Variants in ASB6 observed in about 807,000 individuals in gnomAD.
ASB6 encodes ankyrin repeat and SOCS box containing 6, also known as ankyrin repeat and SOCS box protein 6.
ASB6 carries 24 observed loss-of-function variants against 28.6 expected under a neutral mutation model. The ratio of observed to expected loss-of-function variants is 0.84; its 90% CI spans 0.61 to 1.18. The LOEUF (loss-of-function observed/expected upper bound fraction) is 1.18, where lower values mean the gene tolerates loss of function less well. Among genes scored for constraint, ASB6 ranks in the 50% most tolerant of loss-of-function variants. ASB6 has a pLI of 0.00. For missense variants in ASB6, 519 were observed against 559.8 expected (o/e 0.93, Z 0.74); for synonymous variants, 267 against 243.4 (o/e 1.10, Z -0.90).
chr9:129,635,659 C>A lies in ASB6; in HGVS notation c.*2131G>T. On this transcript the variant is annotated 3_prime_UTR_variant, in exon 6 of 6. Coordinates refer to ENST00000277458, the MANE Select transcript of ASB6 (RefSeq NM_017873.4). ...CCCGGCGGGGAGGGTGCTGCTGAACCAGCGGTGAGGCAGGAGCCCAGACCC... is the reference window on the plus strand; with the variant it reads ...CCCGGCGGGGAGGGTGCTGCTGAACAAGCGGTGAGGCAGGAGCCCAGACCC... The A allele has an allele frequency of 1.5e-6, 1 of 674,932 alleles. No individual in the cohort carries two copies. Among genetic ancestry groups the A allele is most frequent in the Non-Finnish European group, 2.5e-6 (1 of 400,308 alleles). The allele number at this position is 674,932 out of a possible 1,614,324, so 41.8% of individuals were successfully genotyped here.
In ASB6 at chr9:129,640,831, C is replaced by G. The variant is rs537760477; in HGVS notation, c.114-109G>C. On this transcript the variant is annotated intron_variant, in intron 1 of 5. Transcript: ENST00000277458. ...GCTATCATCATCAGCAAGCAGGGCC[C>G]TGGCTCTGTGGGTCACAGGGGCTTG... is the stretch of plus-strand genomic sequence containing the variant. The G allele has an allele frequency of 3.0e-6, 4 of 1,351,004 alleles. No homozygotes were observed. In the African/African-American group the frequency reaches 4.4e-5, roughly 15 times the overall value. The allele number at this position is 1,351,004 out of a possible 1,614,324, so 83.7% of individuals were successfully genotyped here.
chr9:129,639,367 AC>A, intron 3 of ASB6, 34 bp downstream of exon 3: 1 of 1,602,056 alleles, frequency 6.2e-7, no homozygotes, highest in African/African-American at 1.3e-5. Flanking sequence ...CCCCTGCCCA[AC>A]CCTGCTTCAA....
intron 1 of ASB6, 146 bp from the exon 2 acceptor site, chr9:129,640,868 G>T: frequency 1.1e-6 from 1 of 932,426 alleles, no homozygotes; most frequent in Non-Finnish European, 1.6e-6. Context: ...GGGAAGCTCT[G>T]AAGTAGAGAG....
Position 129,638,678 on chromosome 9 carries a change from C to G in ASB6, c.512-19G>C, listed in dbSNP as rs772004088. On this transcript the variant is annotated intron_variant, in intron 4 of 5. Coordinates refer to ENST00000277458, the MANE Select transcript of ASB6 (RefSeq NM_017873.4). ...GTTTTTCCTAGGGAGGGAGGGAGAG[C>G]AAGGAGGAGCAGGAGGCCAGGAAGC... is the stretch of plus-strand genomic sequence containing the variant. The G allele has an allele frequency of 6.2e-7, 1 of 1,601,964 alleles. No individual in the cohort carries two copies. The highest frequency in any genetic ancestry group is 8.5e-7 in the Non-Finnish European group (1 of 1,174,138).
chr9:129,639,304 C>G lies in ASB6; in HGVS notation c.409G>C (p.Glu137Gln), dbSNP rs747615161. Residue 137 changes from glutamate (E) to glutamine (Q), a missense_variant, in exon 4 of 6, where the codon GAG becomes CAG. By Grantham distance (29) the Glu-to-Gln change is conservative. Coordinates refer to ENST00000277458, the MANE Select transcript of ASB6 (RefSeq NM_017873.4). ...CTGGCCAGGTCCAAGGGGCTACTCT[C>G]GTGGATCTGAGCCAAGGAAGCACAG... ...ADVNRRDRIH[E>Q]SSPLDLASEE... 2 of 1,611,320 alleles carry G rather than the reference C, an allele frequency of 1.2e-6. No homozygotes were observed. Among genetic ancestry groups the G allele is most frequent in the Non-Finnish European group, 1.7e-6 (2 of 1,178,106 alleles).
Position 129,637,601 on chromosome 9 carries a change from GA to G in ASB6, c.*188del, listed in dbSNP as rs1292193623. The G allele has an allele frequency of 1.1e-5, 5 of 474,004 alleles. No homozygotes were observed. The highest frequency in any genetic ancestry group is 1.7e-5 in the Non-Finnish European group (5 of 286,486). 29.4% of individuals were successfully genotyped at this position (474,004 alleles called of 1,614,324 possible). The stretch of plus-strand genomic sequence containing the variant: ...TGGAGGGAAGGGGGCAGTCTCTCTG[GA>G]AGAACCAGAGCTGCACCCTTCACCA... On this transcript the variant is annotated 3_prime_UTR_variant, in exon 6 of 6. Coordinates refer to ENST00000277458, the MANE Select transcript of ASB6 (RefSeq NM_017873.4).
At chr9:129,640,877 A>G (rs1588151441) in intron 1 of ASB6, 155 bp from the exon 2 acceptor site, 2 of 851,204 alleles carry the variant, frequency 2.3e-6, no homozygotes, top group Non-Finnish European at 3.7e-6. Flanking sequence ...TGAAGTAGAG[A>G]GAGGGCCACG....
intron 1 of ASB6, 82 bp downstream of exon 1, chr9:129,641,805 A>G (rs1238262605): frequency 7.3e-7 from 1 of 1,372,742 alleles, no homozygotes; most frequent in Non-Finnish European, 9.7e-7. Flanking sequence ...GGACGCATCC[A>G]CCCCGCCCGG....
At position 129,634,794 on chromosome 9, in the gene ASB6, T is replaced by C; in HGVS notation, c.*2996A>G. The C allele has an allele frequency of 3.9e-6, 1 of 254,270 alleles. No individual in the cohort carries two copies. The highest frequency in any genetic ancestry group is 1.1e-4 in the East Asian group (1 of 9,360). 15.8% of individuals were successfully genotyped at this position (254,270 alleles called of 1,614,324 possible). A position where few individuals can be genotyped will look rare whatever the true frequency, so the allele number is the denominator to read the frequency against. On this transcript the variant is annotated 3_prime_UTR_variant, in exon 6 of 6. Transcript: ENST00000277458. ...AGGCCTGCTGTGGACACTCTAGGTC[T>C]GGCCTTGTATTTTGTGGTCTCAGAA...
intron 2 of ASB6, 54 bp from the exon 3 acceptor site, chr9:129,639,562 G>C: frequency 6.6e-7 from 1 of 1,505,404 alleles, no homozygotes; most frequent in Non-Finnish European, 9.1e-7. Context: ...TTCTTATGGG[G>C]CCCCCGGACC....
Position 129,636,472 on chromosome 9 carries a change from G to C in ASB6, c.*1318C>G, listed in dbSNP as rs965577381. On this transcript the variant is annotated 3_prime_UTR_variant, in exon 6 of 6. Coordinates refer to ENST00000277458, the MANE Select transcript of ASB6 (RefSeq NM_017873.4). ...AGCACTTTGAAAGGCCGAGGCAGGCGAATCACCTGAGGTCAGGAGTTTGAG... is the reference window on the plus strand; with the variant it reads ...AGCACTTTGAAAGGCCGAGGCAGGCCAATCACCTGAGGTCAGGAGTTTGAG... The C allele has an allele frequency of 1.3e-5, 2 of 151,942 alleles. No homozygotes were observed. Among genetic ancestry groups the C allele is most frequent in the South Asian group, 2.1e-4 (1 of 4,814 alleles). The allele number at this position is 151,942 out of a possible 1,614,324, so 9.4% of individuals were successfully genotyped here. A position where few individuals can be genotyped will look rare whatever the true frequency, so the allele number is the denominator to read the frequency against.
In ASB6 at chr9:129,634,803, A is replaced by C. The variant is rs943104054; in HGVS notation, c.*2987T>G. 27 of 249,996 alleles carry C rather than the reference A, an allele frequency of 1.1e-4. No homozygotes were observed. The highest frequency in any genetic ancestry group is 1.4e-3 in the Middle Eastern group (1 of 716). The allele number at this position is 249,996 out of a possible 1,614,324, so 15.5% of individuals were successfully genotyped here. ...GTGGACACTCTAGGTCTGGCCTTGT[A>C]TTTTGTGGTCTCAGAAGCCTTTGTG... On this transcript the variant is annotated 3_prime_UTR_variant, in exon 6 of 6. Transcript: ENST00000277458.
rs143666429 is a variant in ASB6 at position 129,640,589 on chromosome 9, G to C, written c.247C>G (p.Arg83Gly). The C allele has an allele frequency of 5.5e-5, 88 of 1,612,748 alleles. No homozygotes were observed. Among genetic ancestry groups the C allele is most frequent in the Non-Finnish European group, 7.1e-5 (84 of 1,179,738 alleles). ...LLKMAELGLTRAADVLLRHGA... is the reference protein window; with the variant it reads ...LLKMAELGLTGAADVLLRHGA... Reference sequence around the variant, plus strand: ...TGCCGCAAGAGAACGTCGGCCGCCCGCGTCAGCCCCAGCTCAGCCATCTTG... The same window carrying C: ...TGCCGCAAGAGAACGTCGGCCGCCCCCGTCAGCCCCAGCTCAGCCATCTTG... Residue 83 changes from arginine to glycine, a missense_variant, in exon 2 of 6, where the codon CGG (arginine) becomes GGG (glycine). Physicochemically the swap from Arg to Gly is moderately radical, Grantham distance 125. Transcript: ENST00000277458.
chr9:129,640,620 G>C lies in ASB6; in HGVS notation c.216C>G (p.Ala72=), dbSNP rs201531660. Residue 72 remains alanine, a synonymous_variant, in exon 2 of 6, where the codon GCC becomes GCG. Coordinates refer to ENST00000277458, the MANE Select transcript of ASB6 (RefSeq NM_017873.4). ...GCCCCAGCTCAGCCATCTTGAGCAG[G>C]GCGTTGCTCACGCCTTCCTGGTAAA... is the stretch of plus-strand genomic sequence containing the variant. ...SPFYQEGVSN[A]LLKMAELGLT... 1 of 1,614,044 alleles carries C rather than the reference G, an allele frequency of 6.2e-7. No individual in the cohort carries two copies. The highest frequency in any genetic ancestry group is 2.2e-5 in the East Asian group (1 of 44,888).
rs745862880 is a variant in ASB6 at position 129,638,052 on chromosome 9, G to A, written c.1004C>T (p.Thr335Ile). 6.2e-7 allele frequency: 1 copy of A among 1,614,034 alleles called. No homozygotes were observed. Among genetic ancestry groups the A allele is most frequent in the Non-Finnish European group, 8.5e-7 (1 of 1,180,038 alleles). The change falls in exon 6 of 6, where the codon ACC becomes ATC. Residue 335 changes from threonine (T) to isoleucine (I), a missense_variant. Physicochemically the swap from Thr to Ile is moderately conservative, Grantham distance 89. Coordinates refer to ENST00000277458, the MANE Select transcript of ASB6 (RefSeq NM_017873.4). ...GGGCAGCTGGAGTTTCTGAGAGTTG[G>A]TCACCATGAGATCCAGGACAGTCTC... ...KAETVLDLMV[T>I]NSQKLQLPEN...
In ASB6 at chr9:129,641,903, G is replaced by A. The variant is rs1255686314; in HGVS notation, c.97C>T (p.Gln33Ter). ...GTGAGTTACCGGTCCAGAGACTCCT[G>A]CCGCTCGGGGTCCTGGATCCCCAGG... ...GSLGIQDPER[Q>*]ESLDRPSYVA... Residue 33 changes from glutamine to a stop codon, truncating the protein, a stop_gained, in exon 1 of 6, where the codon CAG becomes TAG. Coordinates refer to ENST00000277458, the MANE Select transcript of ASB6 (RefSeq NM_017873.4). LOFTEE classifies it high-confidence loss of function. The A allele has an allele frequency of 1.9e-6, 3 of 1,599,006 alleles. No individual in the cohort carries two copies. The highest frequency in any genetic ancestry group is 2.6e-6 in the Non-Finnish European group (3 of 1,173,956).
Position 129,637,689 on chromosome 9 carries a change from A to G in ASB6, c.*101T>C. On this transcript the variant is annotated 3_prime_UTR_variant, in exon 6 of 6. Coordinates refer to ENST00000277458, the MANE Select transcript of ASB6 (RefSeq NM_017873.4). ...CTTTTCTCATGAAGGATCCCGTCTC[A>G]TCTCCCAGATCAAAAAGACCCTCTT... is the stretch of plus-strand genomic sequence containing the variant. 2.4e-6 allele frequency: 3 copies of G among 1,249,396 alleles called. No homozygotes were observed. The highest frequency in any genetic ancestry group is 3.2e-6 in the Non-Finnish European group (3 of 933,068). 77.4% of individuals were successfully genotyped at this position (1,249,396 alleles called of 1,614,324 possible). A position where few individuals can be genotyped will look rare whatever the true frequency, so the allele number is the denominator to read the frequency against.
In ASB6 at chr9:129,638,303, G is replaced by A. The variant is rs145376141; in HGVS notation, c.753C>T (p.Ala251=). ...QVTRLLLAHG[A]DPSECPAHES... ...CGTGGGCTGGGCACTCGCTGGGGTCGGCCCCGTGTGCCAGCAGCAGCCGTG... is the reference window on the plus strand; with the variant it reads ...CGTGGGCTGGGCACTCGCTGGGGTCAGCCCCGTGTGCCAGCAGCAGCCGTG... Residue 251 remains alanine, a synonymous_variant, in exon 6 of 6, where the codon GCC becomes GCT. Coordinates refer to ENST00000277458, the MANE Select transcript of ASB6 (RefSeq NM_017873.4). The A allele has an allele frequency of 4.5e-5, 72 of 1,612,790 alleles. No individual in the cohort carries two copies. The African/African-American group carries it at 6.1e-4, about 14-fold the overall frequency.
chr9:129,640,568 G>A lies in ASB6; in HGVS notation c.268C>T (p.Arg90Trp), dbSNP rs997187613. 6.2e-6 allele frequency: 10 copies of A among 1,611,342 alleles called. 1 individual carries two copies. The highest frequency in any genetic ancestry group is 1.7e-5 in the Admixed American group (1 of 59,554). ...TCAAAGTTGAGATTGGCCCCATGCC[G>A]CAAGAGAACGTCGGCCGCCCGCGTC... ...GLTRAADVLL[R>W]HGANLNFEDP... Residue 90 changes from arginine to tryptophan, a missense_variant, in exon 2 of 6, where the codon CGG (arginine) becomes TGG (tryptophan). Arg to Trp is a moderately radical substitution (Grantham distance 101). Transcript: ENST00000277458.
Sources: gnomAD v4.1 joint callset for allele counts on GRCh38, gnomAD v4.1.1 for gene constraint, MANE v1.5 for transcripts, NCBI Gene and HGNC (gene_info 2026-07-23, HGNC 2026-07-21) for gene names.